The following CPS1 variants were observed in gnomAD, a reference collection of about 807,000 sequenced individuals.
The protein encoded by CPS1 is carbamoyl-phosphate synthase [ammonia], mitochondrial.
A neutral mutation model predicts 174.6 loss-of-function variants in CPS1; 109 were observed. The observed-to-expected ratio is 0.62, with a 90% CI of 0.53 to 0.73. The LOEUF (loss-of-function observed/expected upper bound fraction) is 0.73, where lower values mean the gene tolerates loss of function less well. Ranked by LOEUF, CPS1 falls within the 30% of genes least tolerant of loss-of-function variation. The pLI, the probability that CPS1 is intolerant of heterozygous loss-of-function variation, is 0.00. For synonymous variants in CPS1, 637 were observed against 632.0 expected (o/e 1.01, Z -0.12); for missense variants, 1,689 against 1,821.9 (o/e 0.93, Z 1.33).
At chr2:210,582,834 G>T in intron 6 of CPS1, 125 bp downstream of exon 6, 1 of 771,890 alleles carries the variant, frequency 1.3e-6, no homozygotes, top group East Asian at 2.6e-5. Context: ...GGTAGAAAGG[G>T]ATCTCATAGC....
intron 1 of CPS1, among the ~76,000 whole-genome samples, chr2:210,522,107 T>C (rs1559060572): frequency 6.6e-6 from 1 of 151,994 alleles, no homozygotes. Context: ...CTCTGATCTT[T>C]CCAGGTGGTT....
chr2:210,531,446 A>G (rs762655366), intron 1 of CPS1, among the ~76,000 whole-genome samples: 1 of 152,142 alleles, frequency 6.6e-6, no homozygotes, highest in African/African-American at 2.4e-5. Flanking sequence ...ACTGAACAAT[A>G]AAAGTAATCA....
At position 210,650,415 on chromosome 2, in the gene CPS1, G is replaced by A; in HGVS notation, c.3457G>A (p.Glu1153Lys). The A allele has an allele frequency of 6.2e-7, 1 of 1,613,330 alleles. No individual in the cohort carries two copies. The highest frequency in any genetic ancestry group is 8.5e-7 in the Non-Finnish European group (1 of 1,179,356). ...TGAGGATGAGATGAAAAAATTCCTA[G>A]AAGAGGCGACTAGAGTTTCTCAGGT... The part of the protein sequence containing the change: ...FSEDEMKKFL[E>K]EATRVSQEHP... Residue 1153 changes from glutamate to lysine, a missense_variant, in exon 28 of 38, where the codon GAA becomes AAA. By Grantham distance (56) the Glu-to-Lys change is moderately conservative (BLOSUM62 1). Coordinates refer to ENST00000233072, the MANE Select transcript of CPS1 (RefSeq NM_001875.5).
intron 21 of CPS1, chr2:210,618,551 A>C (rs1299349083): frequency 6.6e-6 from 1 of 152,110 alleles, no homozygotes; most frequent in African/African-American, 2.4e-5. Flanking sequence ...TTGAAGTGTC[A>C]TTGATGCACG....
At chr2:210,515,349 GT>G (rs142776007) in intron 1 of CPS1, among the ~76,000 whole-genome samples, 11 of 150,142 alleles carry the variant, frequency 7.3e-5, no homozygotes, top group African/African-American at 2.4e-4. Context: ...TGGTTGGTAG[GT>G]TTTTTTTTAT....
chr2:210,644,277 G>A (rs1008101904), intron 25 of CPS1, among the ~76,000 whole-genome samples: 8 of 151,776 alleles, frequency 5.3e-5, no homozygotes, highest in Non-Finnish European at 8.8e-5. Context: ...ATATGTTGGC[G>A]GACATAATAT....
chr2:210,618,242 A>G (rs758784070), intron 21 of CPS1: 1 of 152,062 alleles, frequency 6.6e-6, no homozygotes, highest in Non-Finnish European at 1.5e-5. Flanking sequence ...GACATTTTCA[A>G]TCTCCATTTT....
At chr2:210,656,304 T>TCC (rs1700703135) in intron 29 of CPS1, among the ~76,000 whole-genome samples, 1 of 152,166 alleles carries the variant, frequency 6.6e-6, no homozygotes, top group Non-Finnish European at 1.5e-5. Context: ...AATCAGTGGA[T>TCC]GAGGGAGGTA....
chr2:210,621,345 G>A (rs1699521173), intron 21 of CPS1, among the ~76,000 whole-genome samples: 1 of 152,070 alleles, frequency 6.6e-6, no homozygotes, highest in South Asian at 2.1e-4. Flanking sequence ...GGTCACCAAA[G>A]GTCTTTTAAC....
chr2:210,540,777 C>G (rs1337160179), intron 1 of CPS1, among the ~76,000 whole-genome samples: 1 of 152,092 alleles, frequency 6.6e-6, no homozygotes, highest in Non-Finnish European at 1.5e-5. Context: ...TCTTATTGTT[C>G]CATTCTAGAA....
At chr2:210,556,348 G>A (rs1412195191), upstream of CPS1, 2 of 462,928 alleles carry the variant, frequency 4.3e-6, no homozygotes, top group Non-Finnish European at 4.3e-6. Flanking sequence ...ATGTTGGAAA[G>A]TTGCTACTCT....
Position 210,651,720 on chromosome 2 carries a change from C to G in CPS1, c.3480+1282C>G, listed in dbSNP as rs1051700231. ...ATAATAGAGATGTTGTGATTGAGTA[C>G]TTTACAGTTCAATGTTCCCTATCAA... On this transcript the variant is annotated intron_variant, in intron 28 of 37. Coordinates refer to ENST00000233072, the MANE Select transcript of CPS1 (RefSeq NM_001875.5). Among the ~76,000 whole-genome samples the G allele has an allele frequency of 2.6e-5, 4 of 152,150 alleles. No homozygotes were observed. The East Asian group carries it at 7.7e-4, about 29-fold the overall frequency.
At chr2:210,539,864 T>C (rs1222701626) in intron 1 of CPS1, among the ~76,000 whole-genome samples, 4 of 152,126 alleles carry the variant, frequency 2.6e-5, no homozygotes, top group Admixed American at 2.0e-4. Context: ...CAACCAGACT[T>C]GGGTTATTTT....
In CPS1 at chr2:210,600,411, T is replaced by C. The variant is rs909707217; in HGVS notation, c.1550-144T>C. ...ACCGTCTTCAGAATTTTTATTTCAA[T>C]TTTTTTCCCTAAGTGCAATTCTATT... On this transcript the variant is annotated intron_variant, in intron 14 of 37. Transcript: ENST00000233072. The C allele has an allele frequency of 4.2e-6, 3 of 715,424 alleles. No individual in the cohort carries two copies. In the East Asian group the frequency reaches 8.2e-5, roughly 19 times the overall value. The allele number at this position is 715,424 out of a possible 1,614,324, so 44.3% of individuals were successfully genotyped here.
intron 1 of CPS1, among the ~76,000 whole-genome samples, chr2:210,496,830 T>C (rs4672582): frequency 0.81 from 122,761 of 152,072 alleles, 51,289 homozygotes; most frequent in Non-Finnish European, 0.92. Context: ...TCCTTCCTGG[T>C]CACCCTATTT....
chr2:210,626,335 G>T (rs551913437), intron 21 of CPS1, among the ~76,000 whole-genome samples: 1 of 152,106 alleles, frequency 6.6e-6, no homozygotes, highest in African/African-American at 2.4e-5. Context: ...TCATTTCTTA[G>T]TGATGGCAAA....
intron 21 of CPS1, among the ~76,000 whole-genome samples, chr2:210,635,202 C>T (rs923768691): frequency 1.3e-5 from 2 of 152,106 alleles, no homozygotes; most frequent in African/African-American, 4.8e-5. Flanking sequence ...CTCAGCCTCC[C>T]GAAGTGCTGG....
intron 1 of CPS1, among the ~76,000 whole-genome samples, chr2:210,485,994 T>C (rs1432912428): frequency 2.6e-5 from 4 of 151,634 alleles, no homozygotes. Flanking sequence ...CGCATTGTGA[T>C]TTTAACTTTC....
chr2:210,656,148 G>A (rs1250154713), intron 29 of CPS1, among the ~76,000 whole-genome samples: 1 of 152,070 alleles, frequency 6.6e-6, no homozygotes, highest in Non-Finnish European at 1.5e-5. Context: ...TAGATATTGA[G>A]CTCTCCCACC....
Sources: gnomAD v4.1 joint callset for allele counts (sites outside exome capture counted in the v4.1 genomes callset) on GRCh38, gnomAD v4.1.1 for gene constraint, MANE v1.5 for transcripts, NCBI Gene and HGNC (gene_info 2026-07-23, HGNC 2026-07-21) for gene names.